The following NUP155 variants were observed in gnomAD, a reference collection of about 807,000 sequenced individuals.
NUP155 encodes nuclear pore complex protein Nup155.
Under a neutral mutation model 180.4 loss-of-function variants are expected in NUP155, and 71 were observed. The ratio of observed to expected loss-of-function variants is 0.39; its 90% CI spans 0.33 to 0.48. The LOEUF is 0.48. Among genes scored for constraint, NUP155 ranks in the 20% least tolerant of loss-of-function variants. NUP155 has a pLI of 0.91. For missense variants in NUP155, 1,553 were observed against 1,648.9 expected (o/e 0.94, Z 1.01); for synonymous variants, 582 against 559.5 (o/e 1.04, Z -0.57).
At chr5:37,357,153 G>C (rs1048372697) in intron 4 of NUP155, among the ~76,000 whole-genome samples, 2 of 151,402 alleles carry the variant, frequency 1.3e-5, no homozygotes, top group African/African-American at 4.9e-5. Flanking sequence ...TGGCTCACAA[G>C]TGTTAACCCA....
At chr5:37,316,422 A>G (rs978081746) in intron 21 of NUP155, among the ~76,000 whole-genome samples, 7 of 152,026 alleles carry the variant, frequency 4.6e-5, no homozygotes, top group South Asian at 4.1e-4. Context: ...AGGATAGGGG[A>G]AAAAAATGGG....
Position 37,305,149 on chromosome 5 carries a change from C to T in NUP155, c.2965G>A (p.Ala989Thr), listed in dbSNP as rs1358255095. ...TTGGGTACACTGGGAGACTGAGGAG[C>T]GGCCTTACTTTGATTTACCAGTTCT... Reference protein sequence around the residue: ...LQELVNQSKAAPQSPSVPKKP... With the variant: ...LQELVNQSKATPQSPSVPKKP... Residue 989 changes from alanine to threonine, a missense_variant, in exon 26 of 35, where the codon GCT becomes ACT. Ala to Thr is a moderately conservative substitution (Grantham distance 58, BLOSUM62 0). Transcript: ENST00000231498. 4 of 1,613,588 alleles carry T rather than the reference C, an allele frequency of 2.5e-6. No homozygotes were observed. Among genetic ancestry groups the T allele is most frequent in the East Asian group, 2.2e-5 (1 of 44,884 alleles).
chr5:37,314,217 A>G lies in NUP155; in HGVS notation c.2417T>C (p.Ile806Thr). 1 of 1,607,838 alleles carries G rather than the reference A, an allele frequency of 6.2e-7. No individual in the cohort carries two copies. Among genetic ancestry groups the G allele is most frequent in the Non-Finnish European group, 8.5e-7 (1 of 1,174,804 alleles). Reference sequence around the variant, plus strand: ...AATTACCTTCTGAAGTTCTGCCACAATGATAGTGAATTGATGTTCACAAAG... The same window carrying G: ...AATTACCTTCTGAAGTTCTGCCACAGTGATAGTGAATTGATGTTCACAAAG... ...KLLCEHQFTI[I>T]VAELQKELQE... Residue 806 changes from isoleucine to threonine, a missense_variant, in exon 22 of 35, where the codon ATT becomes ACT. Ile to Thr is a moderately conservative substitution (Grantham distance 89). Transcript: ENST00000231498.
Position 37,290,607 on chromosome 5 carries a change from A to G in NUP155, c.*1293T>C, listed in dbSNP as rs1448503502. On this transcript the variant is annotated 3_prime_UTR_variant, in exon 35 of 35. Transcript: ENST00000231498. ...TATTCTATTTTGTTAAGGAATAATT[A>G]AAAAGTACATTACTAACAGTTTTGC... 6.6e-6 allele frequency: 1 copy of G among 152,222 alleles called. No homozygotes were observed. The highest frequency in any genetic ancestry group is 1.5e-5 in the Non-Finnish European group (1 of 68,038). 9.4% of individuals were successfully genotyped at this position (152,222 alleles called of 1,614,324 possible).
chr5:37,349,080 A>G, intron 8 of NUP155, 92 bp downstream of exon 8: 1 of 355,160 alleles, frequency 2.8e-6, no homozygotes, highest in Non-Finnish European at 5.2e-6. Context: ...TTAGTTACAC[A>G]GTTCATAGGA....
intron 1 of NUP155, among the ~76,000 whole-genome samples, chr5:37,365,768 C>T (rs866303463): frequency 1.5e-4 from 20 of 133,014 alleles, no homozygotes; most frequent in Middle Eastern, 4.0e-3. Flanking sequence ...CACACACACA[C>T]ACACACACAC....
intron 33 of NUP155, among the ~76,000 whole-genome samples, chr5:37,293,576 TCCTTA>T (rs1742346616): frequency 6.6e-6 from 1 of 152,252 alleles, no homozygotes; most frequent in African/African-American, 2.4e-5. Flanking sequence ...GGATCTTTTA[TCCTTA>T]GCATAAAAAT....
At chr5:37,302,952 G>A (rs757326901) in intron 28 of NUP155, 44 bp from the exon 29 acceptor site, 1 of 1,602,080 alleles carries the variant, frequency 6.2e-7, no homozygotes, top group East Asian at 2.2e-5. Context: ...ATTTCTTAAG[G>A]ATTGATGATA....
At chr5:37,326,758 A>T (rs1295370579) in intron 18 of NUP155, among the ~76,000 whole-genome samples, 1 of 152,236 alleles carries the variant, frequency 6.6e-6, no homozygotes, top group African/African-American at 2.4e-5. Context: ...TTCTTGAGTT[A>T]GCCCAGCAAG....
At chr5:37,306,967 G>A (rs1743189446) in intron 25 of NUP155, among the ~76,000 whole-genome samples, 1 of 151,856 alleles carries the variant, frequency 6.6e-6, no homozygotes, top group African/African-American at 2.4e-5. Context: ...CAAGACTGAG[G>A]TGGGTGGATC....
At position 37,289,462 on chromosome 5, in the gene NUP155, G is replaced by A. The variant is rs1041868647; in HGVS notation, c.*2438C>T. 2.0e-5 allele frequency: 3 copies of A among 152,160 alleles called. No homozygotes were observed. Among genetic ancestry groups the A allele is most frequent in the South Asian group, 2.1e-4 (1 of 4,826 alleles). 9.4% of individuals were successfully genotyped at this position (152,160 alleles called of 1,614,324 possible). ...AAGAATCTGTCATAACAGGCTATCCGGCTGATTGTTCTGAATGTGAAAGTT... is the reference window on the plus strand; with the variant it reads ...AAGAATCTGTCATAACAGGCTATCCAGCTGATTGTTCTGAATGTGAAAGTT... On this transcript the variant is annotated 3_prime_UTR_variant, in exon 35 of 35. Coordinates refer to ENST00000231498, the MANE Select transcript of NUP155 (RefSeq NM_153485.3).
At chr5:37,325,768 C>CAAAAAAAAAAAAAAAA (rs58741619) in intron 19 of NUP155, 133 bp downstream of exon 19, 1 of 308,256 alleles carries the variant, frequency 3.2e-6, no homozygotes, top group African/African-American at 4.3e-5. Flanking sequence ...GACTCTGTCT[C>CAAAAAAAAAAAAAAAA]AAAAAAAAAA....
intron 3 of NUP155, among the ~76,000 whole-genome samples, chr5:37,363,152 T>C (rs1468783530): frequency 6.6e-6 from 1 of 152,184 alleles, no homozygotes; most frequent in Admixed American, 6.6e-5. Flanking sequence ...CCTCAGGTGA[T>C]CCACCCACCT....
At chr5:37,363,763 A>G in intron 3 of NUP155, 125 bp downstream of exon 3, 1 of 705,518 alleles carries the variant, frequency 1.4e-6, no homozygotes, top group Non-Finnish European at 2.6e-6. Flanking sequence ...TGATACTGAG[A>G]AGCACTGACC....
chr5:37,305,058 T>C lies in NUP155; in HGVS notation c.3056A>G (p.His1019Arg). Residue 1019 changes from histidine (H) to arginine (R), a missense_variant and splice_region_variant, in exon 26 of 35, where the codon CAT (histidine) becomes CGT (arginine). His to Arg is a conservative substitution (Grantham distance 29). Transcript: ENST00000231498. ...NMLSNEEAGH[H>R]FEQMLKLSQR... ...ATGAAAATATACTATGTCCCTTACA[T>C]GATGTCCTGCTTCTTCATTACTCAG... 1 of 1,613,358 alleles carries C rather than the reference T, an allele frequency of 6.2e-7. No individual in the cohort carries two copies. Among genetic ancestry groups the C allele is most frequent in the African/African-American group, 1.3e-5 (1 of 75,022 alleles).
intron 19 of NUP155, 52 bp from the exon 20 acceptor site, chr5:37,324,159 CTAT>C (rs747049262): frequency 3.5e-5 from 37 of 1,050,570 alleles, no homozygotes; most frequent in Non-Finnish European, 5.5e-5. Context: ...CTCTGTATAG[CTAT>C]AATATAAACA....
chr5:37,349,246 C>T lies in NUP155; in HGVS notation c.830-1G>A. On this transcript the variant is annotated splice_acceptor_variant, in intron 7 of 34. Transcript: ENST00000231498. LOFTEE classifies it high-confidence loss of function. ...TCAATTGCAATTTGAAGAATAGGAT[C>T]TAAAAGTAAGACAAAAAAAAAAAAG... The T allele has an allele frequency of 1.3e-6, 1 of 779,932 alleles. No individual in the cohort carries two copies. Among genetic ancestry groups the T allele is most frequent in the Non-Finnish European group, 2.0e-6 (1 of 500,852 alleles). 48.3% of individuals were successfully genotyped at this position (779,932 alleles called of 1,614,324 possible). A position where few individuals can be genotyped will look rare whatever the true frequency, so the allele number is the denominator to read the frequency against.
intron 5 of NUP155, among the ~76,000 whole-genome samples, chr5:37,352,478 C>T (rs1363396878): frequency 6.6e-6 from 1 of 152,050 alleles, no homozygotes; most frequent in Non-Finnish European, 1.5e-5. Context: ...GCAGAGGATG[C>T]GGTAAGCCAA....
intron 9 of NUP155, among the ~76,000 whole-genome samples, chr5:37,348,162 G>C (rs1223197476): frequency 1.3e-5 from 2 of 152,008 alleles, no homozygotes; most frequent in Admixed American, 1.3e-4. Flanking sequence ...AAATTAGCCA[G>C]GCATGGTGGC....
Sources: allele counts gnomAD v4.1 joint callset (sites outside exome capture counted in the v4.1 genomes callset), GRCh38; gene constraint gnomAD v4.1.1; transcripts MANE v1.5; gene names NCBI Gene and HGNC (gene_info 2026-07-23, HGNC 2026-07-21).